The following SLC8A1 variants were observed in gnomAD, a reference collection of about 807,000 sequenced individuals.
The protein encoded by SLC8A1 is solute carrier family 8 member A1, also known as sodium/calcium exchanger 1.
Under a neutral mutation model 68.3 loss-of-function variants are expected in SLC8A1, and 18 were observed. That is an observed-to-expected ratio of 0.26 (90% CI 0.18 to 0.39). The LOEUF (loss-of-function observed/expected upper bound fraction) is 0.39. SLC8A1 is among the 10% of genes least tolerant of loss of function. The pLI is 1.00. For synonymous variants in SLC8A1, 475 were observed against 415.5 expected (o/e 1.14, Z -1.74); for missense variants, 985 against 1,156.7 (o/e 0.85, Z 2.15).
intron 2 of SLC8A1, chr2:40,251,183 A>T (rs2062690661): frequency 6.6e-6 from 1 of 152,202 alleles, no homozygotes; most frequent in Admixed American, 6.5e-5. Flanking sequence ...TTAAAAAAAA[A>T]ATCAATAGAA....
intron 2 of SLC8A1, among the ~76,000 whole-genome samples, chr2:40,406,575 A>T (rs998977729): frequency 1.3e-5 from 2 of 152,142 alleles, no homozygotes; most frequent in African/African-American, 4.8e-5. Context: ...CTAAGGGCAG[A>T]CGGTATATTA....
intron 7 of SLC8A1, among the ~76,000 whole-genome samples, chr2:40,129,950 G>A (rs1025307603): frequency 6.6e-6 from 1 of 152,160 alleles, no homozygotes; most frequent in African/African-American, 2.4e-5. Flanking sequence ...TTCAGATTGG[G>A]CAGGACACAT....
intron 1 of SLC8A1, among the ~76,000 whole-genome samples, chr2:40,488,308 G>A (rs1705098262): frequency 6.6e-6 from 1 of 151,862 alleles, no homozygotes; most frequent in African/African-American, 2.4e-5. Flanking sequence ...CACCAAGGAA[G>A]CTAGTGAAAG....
exon 8 of SLC8A1, chr2:40,107,810 C>T (rs879798254): frequency 3.3e-5 from 5 of 152,134 alleles, no homozygotes; most frequent in African/African-American, 9.7e-5. Context: ...AGAGAGGGGA[C>T]AGAGGAGATC....
intron 2 of SLC8A1, among the ~76,000 whole-genome samples, chr2:40,210,975 A>G (rs1208878074): frequency 6.6e-6 from 1 of 152,224 alleles, no homozygotes; most frequent in Non-Finnish European, 1.5e-5. Context: ...TCCTTGCTAG[A>G]TTTTATCAAG....
intron 1 of SLC8A1, among the ~76,000 whole-genome samples, chr2:40,493,445 A>G (rs1023131668): frequency 6.6e-6 from 1 of 151,862 alleles, no homozygotes; most frequent in Admixed American, 6.6e-5. Flanking sequence ...ACTTATACAT[A>G]TGTAACTAAC....
intron 2 of SLC8A1, among the ~76,000 whole-genome samples, chr2:40,201,553 C>G (rs774073605): frequency 4.0e-5 from 6 of 151,868 alleles, no homozygotes; most frequent in East Asian, 1.9e-4. Flanking sequence ...TCCACTTTCC[C>G]TGAATGACTA....
rs112265363 is a variant in SLC8A1, at chr2:40,410,083, A to T, written c.1808+18390T>A. On this transcript the variant is annotated intron_variant, in intron 2 of 7. Transcript: ENST00000406785. Reference sequence around the variant, plus strand: ...GAAGCAAATACTAAAGAAAACATGAAATAAAAACTTTATGTTTTAACTTTT... The same window carrying T: ...GAAGCAAATACTAAAGAAAACATGATATAAAAACTTTATGTTTTAACTTTT... Among the ~76,000 whole-genome samples, 79 of 152,310 alleles carry T rather than the reference A, an allele frequency of 5.2e-4. 2 individuals carry two copies. Among genetic ancestry groups the T allele is most frequent in the African/African-American group, 1.7e-3 (71 of 41,580 alleles).
intron 1 of SLC8A1, among the ~76,000 whole-genome samples, chr2:40,449,392 A>G (rs1033892065): frequency 1.3e-5 from 2 of 152,192 alleles, no homozygotes; most frequent in Admixed American, 6.5e-5. Context: ...ATAAAAGTCT[A>G]TATTTGCCTG....
intron 2 of SLC8A1, chr2:40,195,615 G>A (rs768857357): frequency 2.0e-5 from 3 of 152,000 alleles, no homozygotes; most frequent in Non-Finnish European, 4.4e-5. Context: ...GCAAGGGTCC[G>A]AACATGGGAG....
intron 2 of SLC8A1, among the ~76,000 whole-genome samples, chr2:40,239,473 G>C (rs1055633990): frequency 2.0e-5 from 3 of 152,190 alleles, no homozygotes; most frequent in Admixed American, 2.0e-4. Flanking sequence ...TTGCATTACA[G>C]ATTAGGGAAC....
At chr2:40,232,879 G>A (rs1267648108) in intron 2 of SLC8A1, among the ~76,000 whole-genome samples, 1 of 146,732 alleles carries the variant, frequency 6.8e-6, no homozygotes, top group Non-Finnish European at 1.5e-5. Flanking sequence ...ATAGTTTACT[G>A]AGAATGATGG....
In SLC8A1 at chr2:40,241,096, G is replaced by A. The variant is rs551319972; in HGVS notation, c.1809-63241C>T. On this transcript the variant is annotated intron_variant, in intron 2 of 7. Coordinates refer to ENST00000406785, the Ensembl canonical transcript of SLC8A1. ...CACAATAGCAAAGGCATGGAATCAAGTCAGGTGCCCATCAACAGTGGATTG... is the reference window on the plus strand; with the variant it reads ...CACAATAGCAAAGGCATGGAATCAAATCAGGTGCCCATCAACAGTGGATTG... Among the ~76,000 whole-genome samples the A allele has an allele frequency of 3.9e-5, 6 of 152,268 alleles. No individual in the cohort carries two copies. In the East Asian group the frequency reaches 1.2e-3, roughly 29 times the overall value.
At chr2:40,253,942 T>C (rs1017333485) in intron 2 of SLC8A1, among the ~76,000 whole-genome samples, 1 of 151,616 alleles carries the variant, frequency 6.6e-6, no homozygotes, top group African/African-American at 2.4e-5. Flanking sequence ...AAGAATAAGT[T>C]CCAGTGTTTG....
chr2:40,370,441 G>A (rs544595919), intron 2 of SLC8A1, among the ~76,000 whole-genome samples: 1 of 152,134 alleles, frequency 6.6e-6, no homozygotes, highest in Admixed American at 6.6e-5. Context: ...CCTCAGACTT[G>A]TGTGTTGGCC....
intron 2 of SLC8A1, among the ~76,000 whole-genome samples, chr2:40,232,578 A>G (rs939122353): frequency 1.3e-5 from 2 of 149,162 alleles, no homozygotes; most frequent in Non-Finnish European, 3.0e-5. Flanking sequence ...ATTTTCCATT[A>G]CTGTCCAACT....
chr2:40,139,838 T>A (rs929355790), intron 6 of SLC8A1, among the ~76,000 whole-genome samples, 162 bp from the exon 10 acceptor site: 3 of 152,118 alleles, frequency 2.0e-5, no homozygotes, highest in African/African-American at 7.2e-5. Context: ...TCATAACTAA[T>A]GAATTAGTTA....
chr2:40,394,179 T>C (rs1034713997), intron 2 of SLC8A1, among the ~76,000 whole-genome samples: 2 of 152,074 alleles, frequency 1.3e-5, no homozygotes, highest in Non-Finnish European at 2.9e-5. Context: ...CTAGTCTAAG[T>C]GAGCTTAAGT....
chr2:40,250,036 C>G lies in SLC8A1; in HGVS notation c.1809-72181G>C, dbSNP rs753042885. ...ATGTGTGAGATATTTTAAAGTAATT[C>G]TAACCAAGCCATTGTTCTGTAACCT... On this transcript the variant is annotated intron_variant, in intron 2 of 7. Coordinates refer to ENST00000406785, the Ensembl canonical transcript of SLC8A1. Among the ~76,000 whole-genome samples, 136 of 152,152 alleles carry G rather than the reference C, an allele frequency of 8.9e-4. 1 individual carries two copies. The highest frequency in any genetic ancestry group is 1.5e-3 in the Non-Finnish European group (100 of 68,020).
Sources: allele counts gnomAD v4.1 joint callset (sites outside exome capture counted in the v4.1 genomes callset), GRCh38; gene constraint gnomAD v4.1.1; transcripts MANE v1.5; gene names NCBI Gene and HGNC (gene_info 2026-07-23, HGNC 2026-07-21).